Variants in DSG2 observed in about 807,000 individuals in gnomAD.
DSG2 encodes the protein desmoglein-2.
Under a neutral mutation model 75.6 loss-of-function variants are expected in DSG2, and 45 were observed. The ratio of observed to expected loss-of-function variants is 0.60; its 90% confidence interval spans 0.47 to 0.76. The LOEUF is 0.76. Ranked by LOEUF, DSG2 falls within the 30% of genes least tolerant of loss-of-function variation. DSG2 has a pLI of 0.00. For missense variants in DSG2, 1,267 were observed against 1,357.4 expected, an observed-to-expected ratio of 0.93 and a Z score of 1.05; for synonymous variants, 429 against 483.9, an observed-to-expected ratio of 0.89 and a Z score of 1.49.
intron 1 of DSG2, among the ~76,000 whole-genome samples, chr18:31,499,669 C>A (rs2073004046): frequency 6.6e-6 from 1 of 152,094 alleles, no homozygotes; most frequent in African/African-American, 2.4e-5. Flanking sequence ...AGGAGAATCC[C>A]AAGCTAATGT....
chr18:31,520,073 A>C, intron 3 of DSG2, 136 bp downstream of exon 3: 1 of 1,154,046 alleles, frequency 8.7e-7, no homozygotes, highest in Non-Finnish European at 1.2e-6. Context: ...GATATATCTG[A>C]AAATTAGCAG....
chr18:31,546,652 G>C lies in DSG2; in HGVS notation c.3266G>C (p.Gly1089Ala). 1 of 1,614,138 alleles carries C rather than the reference G, an allele frequency of 6.2e-7. No individual in the cohort carries two copies. Among genetic ancestry groups the C allele is most frequent in the South Asian group, 1.1e-5 (1 of 91,086 alleles). ...AGVPGPLPDF[G>A]LEESGHSNST... ...GTCCCTGGCCCTCTGCCAGATTTTG[G>C]TTTAGAGGAATCTGGTCATTCTAAT... is the stretch of plus-strand genomic sequence containing the variant. Residue 1089 changes from glycine (G) to alanine (A), a missense_variant, in exon 15 of 15, where the codon GGT becomes GCT. By Grantham distance (60) the Gly-to-Ala change is moderately conservative. Coordinates refer to ENST00000261590, the MANE Select transcript of DSG2 (RefSeq NM_001943.5).
chr18:31,504,915 A>G (rs2073031288), intron 1 of DSG2, among the ~76,000 whole-genome samples: 1 of 152,126 alleles, frequency 6.6e-6, no homozygotes, highest in Non-Finnish European at 1.5e-5. Flanking sequence ...TTGTCCCCAT[A>G]AAGACTCCTA....
At chr18:31,526,041 G>A (rs2073161378) in intron 8 of DSG2, among the ~76,000 whole-genome samples, 1 of 152,132 alleles carries the variant, frequency 6.6e-6, no homozygotes, top group Non-Finnish European at 1.5e-5. Flanking sequence ...CTTCTCAGGA[G>A]GCTGAGGCAG....
chr18:31,534,325 G>T (rs984445651), intron 9 of DSG2, among the ~76,000 whole-genome samples: 2 of 151,934 alleles, frequency 1.3e-5, no homozygotes, highest in African/African-American at 2.4e-5. Flanking sequence ...ATGGACATTT[G>T]CCTTGCTCTC....
chr18:31,543,861 G>A (rs1614904), intron 14 of DSG2, among the ~76,000 whole-genome samples: 9,690 of 123,262 alleles, frequency 0.079, 843 homozygotes, highest in East Asian at 0.22. Context: ...GTGAAACTCT[G>A]TCTAAAAAAA....
chr18:31,519,839 A>G lies in DSG2; in HGVS notation c.118A>G (p.Lys40Glu). The change falls in exon 3 of 15, where the codon AAA becomes GAA. Residue 40 changes from lysine to glutamate, a missense_variant. By Grantham distance (56) the Lys-to-Glu change is moderately conservative. Transcript: ENST00000261590. ...AAGAAATGAAAATAAGCTGCTTCCTAAACATCCTCATTTAGTGCGGCAAAA... is the reference window on the plus strand; with the variant it reads ...AAGAAATGAAAATAAGCTGCTTCCTGAACATCCTCATTTAGTGCGGCAAAA... ...STRNENKLLP[K>E]HPHLVRQKRA... 1 of 1,614,158 alleles carries G rather than the reference A, an allele frequency of 6.2e-7. No individual in the cohort carries two copies. Among genetic ancestry groups the G allele is most frequent in the Non-Finnish European group, 8.5e-7 (1 of 1,180,016 alleles).
At chr18:31,515,337 C>T (rs1201897141) in intron 1 of DSG2, among the ~76,000 whole-genome samples, 1 of 152,080 alleles carries the variant, frequency 6.6e-6, no homozygotes, top group Non-Finnish European at 1.5e-5. Context: ...GATCATCAGA[C>T]CTCATGATCC....
rs1223740227 is a variant in DSG2 at position 31,547,336 on chromosome 18, CAT to C, written c.*594_*595del. 1.1e-5 allele frequency: 2 copies of C among 185,966 alleles called. No individual in the cohort carries two copies. The highest frequency in any genetic ancestry group is 4.9e-5 in the African/African-American group (2 of 40,606). The allele number at this position is 185,966 out of a possible 1,614,324, so 11.5% of individuals were successfully genotyped here. A position where few individuals can be genotyped will look rare whatever the true frequency, so the allele number is the denominator to read the frequency against. ...AATACACATTGTATGTTTCTGTGCACATGACAGTGTGTGTGTGTGCACGTACA... is the reference window on the plus strand; with the variant it reads ...AATACACATTGTATGTTTCTGTGCACGACAGTGTGTGTGTGTGCACGTACA... On this transcript the variant is annotated 3_prime_UTR_variant, in exon 15 of 15. Coordinates refer to ENST00000261590, the MANE Select transcript of DSG2 (RefSeq NM_001943.5).
intron 2 of DSG2, 66 bp from the exon 3 acceptor site, chr18:31,519,737 G>A: frequency 6.5e-7 from 1 of 1,545,102 alleles, no homozygotes; most frequent in Non-Finnish European, 8.9e-7. Context: ...TTATGTTATA[G>A]GACAGCATAC....
At chr18:31,507,390 G>A (rs2073044459) in intron 1 of DSG2, among the ~76,000 whole-genome samples, 2 of 152,186 alleles carry the variant, frequency 1.3e-5, no homozygotes, top group African/African-American at 2.4e-5. Context: ...ATAAACATAT[G>A]TGTGCATGTG....
chr18:31,537,042 T>A (rs1464528997), intron 11 of DSG2, among the ~76,000 whole-genome samples: 1 of 152,218 alleles, frequency 6.6e-6, no homozygotes, highest in Non-Finnish European at 1.5e-5. Context: ...GATGTGAGTT[T>A]TCAGATGTCC....
intron 10 of DSG2, among the ~76,000 whole-genome samples, chr18:31,535,876 G>A (rs2073226937): frequency 2.0e-5 from 3 of 152,082 alleles, no homozygotes; most frequent in South Asian, 2.1e-4. Context: ...TTGAGCCCAG[G>A]AGTTTGAGAC....
intron 1 of DSG2, 132 bp from the exon 2 acceptor site, chr18:31,518,107 A>G: frequency 1.4e-6 from 1 of 705,728 alleles, no homozygotes; most frequent in Non-Finnish European, 2.4e-6. Flanking sequence ...TTTCCTCTTG[A>G]CAAAGAATAG....
In DSG2 at chr18:31,536,421, G is replaced by T. The variant is rs551034751; in HGVS notation, c.1643G>T (p.Arg548Leu). Reference protein sequence around the residue: ...PGMAEKWKIARQESTSVLLQQ... With the variant: ...PGMAEKWKIALQESTSVLLQQ... ...ATGGCAGAAAAATGGAAAATAGCAC[G>T]CCAAGAAAGTAAGCAAAATCACTGG... Residue 548 changes from arginine to leucine, a missense_variant, in exon 11 of 15, where the codon CGC becomes CTC. Coordinates refer to ENST00000261590, the MANE Select transcript of DSG2 (RefSeq NM_001943.5). The T allele has an allele frequency of 7.4e-6, 12 of 1,613,096 alleles. No homozygotes were observed. The highest frequency in any genetic ancestry group is 1.3e-5 in the African/African-American group (1 of 74,898).
intron 1 of DSG2, among the ~76,000 whole-genome samples, chr18:31,510,622 G>T (rs1351811962): frequency 6.6e-6 from 1 of 152,102 alleles, no homozygotes; most frequent in Non-Finnish European, 1.5e-5. Flanking sequence ...CAGATACCAG[G>T]AAGTCCAGTT....
intron 9 of DSG2, among the ~76,000 whole-genome samples, 188 bp downstream of exon 9, chr18:31,531,440 C>T (rs963409340): frequency 2.6e-5 from 4 of 152,188 alleles, no homozygotes; most frequent in African/African-American, 4.8e-5. Flanking sequence ...TCACCAGAAT[C>T]CACCTTCTTC....
At chr18:31,531,302 C>G (rs758171722) in intron 9 of DSG2, 50 bp downstream of exon 9, 2 of 1,593,442 alleles carry the variant, frequency 1.3e-6, no homozygotes, top group Non-Finnish European at 8.6e-7. Flanking sequence ...ATTTTCAGTG[C>G]CTATTTTCAA....
Position 31,519,884 on chromosome 18 carries a change from C to A in DSG2, c.163C>A (p.Pro55Thr). 1 of 1,614,136 alleles carries A rather than the reference C, an allele frequency of 6.2e-7. No homozygotes were observed. Among genetic ancestry groups the A allele is most frequent in the Non-Finnish European group, 8.5e-7 (1 of 1,180,034 alleles). ...VRQKRAWITA[P>T]VALREGEDLS... is the part of the protein sequence containing the mutation. ...GCAAAAGCGCGCCTGGATCACCGCC[C>A]CCGTGGCTCTTCGGGAGGGAGAGGA... Residue 55 changes from proline (P) to threonine (T), a missense_variant, in exon 3 of 15, where the codon CCC (proline) becomes ACC (threonine). Pro to Thr is a conservative substitution (Grantham distance 38, BLOSUM62 -1). Coordinates refer to ENST00000261590, the MANE Select transcript of DSG2 (RefSeq NM_001943.5).
Sources: gnomAD v4.1 joint callset for allele counts (sites outside exome capture counted in the v4.1 genomes callset) on GRCh38, gnomAD v4.1.1 for gene constraint, MANE v1.5 for transcripts, NCBI Gene and HGNC (gene_info 2026-07-23, HGNC 2026-07-21) for gene names.